Variants in LMNB1 observed in about 807,000 individuals in gnomAD.
LMNB1 encodes lamin B1.
In LMNB1, 23 loss-of-function variants were observed where a neutral mutation model predicts 67.1. The ratio of observed to expected loss-of-function variants is 0.34; its 90% CI spans 0.25 to 0.49. The LOEUF (loss-of-function observed/expected upper bound fraction) is 0.49. Ranked by LOEUF, LMNB1 falls within the 20% of genes least tolerant of loss-of-function variation. The pLI, the probability that LMNB1 is intolerant of heterozygous loss-of-function variation, is 0.99. For missense variants in LMNB1, 634 were observed against 746.5 expected, an observed-to-expected ratio of 0.85 and a Z score of 1.76; for synonymous variants, 281 against 282.9, an observed-to-expected ratio of 0.99 and a Z score of 0.07.
intron 3 of LMNB1, among the ~76,000 whole-genome samples, chr5:126,806,510 A>G (rs1751433219): frequency 6.6e-6 from 1 of 152,178 alleles, no homozygotes; most frequent in Non-Finnish European, 1.5e-5. Context: ...GCTCTTTCAC[A>G]GGGCTGTGGG....
Position 126,810,277 on chromosome 5 carries a change from A to G in LMNB1, c.740A>G (p.His247Arg), listed in dbSNP as rs762904006. Residue 247 changes from histidine (H) to arginine (R), a missense_variant, in exon 4 of 11, where the codon CAT becomes CGT. Physicochemically the swap from His to Arg is conservative, Grantham distance 29. Transcript: ENST00000261366. ...EYEYKLAQAL[H>R]EMREQHDAQV... Reference sequence around the variant, plus strand: ...GAGTACAAGCTGGCGCAAGCCCTTCATGAGATGAGAGAGCAACATGATGCC... The same window carrying G: ...GAGTACAAGCTGGCGCAAGCCCTTCGTGAGATGAGAGAGCAACATGATGCC... 3 of 1,614,026 alleles carry G rather than the reference A, an allele frequency of 1.9e-6. No homozygotes were observed. Among genetic ancestry groups the G allele is most frequent in the East Asian group, 2.2e-5 (1 of 44,884 alleles).
chr5:126,816,381 A>G (rs149891378), intron 5 of LMNB1, among the ~76,000 whole-genome samples: 2 of 152,240 alleles, frequency 1.3e-5, no homozygotes, highest in East Asian at 3.9e-4. Flanking sequence ...GCCCCCAAAT[A>G]GGTTTACAGT....
intron 9 of LMNB1, 65 bp from the exon 10 acceptor site, chr5:126,832,629 G>C: frequency 8.9e-7 from 1 of 1,119,734 alleles, no homozygotes; most frequent in South Asian, 1.3e-5. Context: ...CAAAGAAAAG[G>C]TCCCTCTCCC....
At chr5:126,820,248 A>G (rs1301646283) in intron 6 of LMNB1, among the ~76,000 whole-genome samples, 1 of 152,238 alleles carries the variant, frequency 6.6e-6, no homozygotes, top group African/African-American at 2.4e-5. Context: ...ATAAGAAAGT[A>G]CAGGTACGAA....
At chr5:126,816,350 T>C (rs1751704030) in intron 5 of LMNB1, among the ~76,000 whole-genome samples, 1 of 152,182 alleles carries the variant, frequency 6.6e-6, no homozygotes, top group African/African-American at 2.4e-5. Flanking sequence ...TGTGTGTGCG[T>C]GTGAACCAGG....
chr5:126,816,044 A>G (rs140476257), intron 5 of LMNB1, among the ~76,000 whole-genome samples: 2 of 152,008 alleles, frequency 1.3e-5, no homozygotes, highest in Admixed American at 6.6e-5. Flanking sequence ...CCATTCAAAT[A>G]TATCTTCTAC....
At chr5:126,832,649 G>T (rs371540343) in intron 9 of LMNB1, 45 bp from the exon 10 acceptor site, 55 of 1,385,440 alleles carry the variant, frequency 4.0e-5, no homozygotes, top group Non-Finnish European at 4.9e-5. Flanking sequence ...CCCGCATTTG[G>T]TGATTTTAAG....
rs566225403 is a variant in LMNB1, at chr5:126,807,046, G to A, written c.642+1350G>A. On this transcript the variant is annotated intron_variant, in intron 3 of 10. Transcript: ENST00000261366. ...CCCGCCTCAGCCTCCCAAAGTGCTG[G>A]GATTACAGGCGTGAGCCACCGTGCC... Among the ~76,000 whole-genome samples the A allele has an allele frequency of 2.0e-5, 3 of 152,226 alleles. 1 individual carries two copies. The highest frequency in any genetic ancestry group is 4.2e-4 in the South Asian group (2 of 4,812).
At chr5:126,811,650 T>C in intron 4 of LMNB1, 123 bp from the exon 5 acceptor site, 1 of 792,330 alleles carries the variant, frequency 1.3e-6, no homozygotes, top group Admixed American at 2.7e-5. Flanking sequence ...TCATGATGCT[T>C]TTCCTGTGTT....
rs764663404 is a variant in LMNB1 at position 126,813,371 on chromosome 5, G to A, written c.939+1473G>A. Among the ~76,000 whole-genome samples, 16 of 152,272 alleles carry A rather than the reference G, an allele frequency of 1.1e-4. No individual in the cohort carries two copies. In the East Asian group the frequency reaches 1.2e-3, roughly 11 times the overall value. ...TCTAGGTGAGTTTAATGATTTGCCC[G>A]TTGCCCAGAGGCTGCAGACTGATAA... On this transcript the variant is annotated intron_variant, in intron 5 of 10. Coordinates refer to ENST00000261366, the MANE Select transcript of LMNB1 (RefSeq NM_005573.4).
At chr5:126,792,058 C>G (rs1750972228) in intron 1 of LMNB1, among the ~76,000 whole-genome samples, 1 of 151,666 alleles carries the variant, frequency 6.6e-6, no homozygotes. Context: ...GCTGGGTTTA[C>G]AGGTGTGAGC....
chr5:126,785,894 A>G (rs1403923277), intron 1 of LMNB1, among the ~76,000 whole-genome samples: 2 of 151,648 alleles, frequency 1.3e-5, no homozygotes, highest in Admixed American at 1.3e-4. Flanking sequence ...GGCACCTGTA[A>G]TTCTAGCTAC....
At chr5:126,780,189 TA>T (rs924491700) in intron 1 of LMNB1, among the ~76,000 whole-genome samples, 24 of 148,454 alleles carry the variant, frequency 1.6e-4, no homozygotes, top group African/African-American at 2.5e-4. Context: ...AGACTCCGTC[TA>T]AAAAAAAAAA....
intron 7 of LMNB1, among the ~76,000 whole-genome samples, chr5:126,822,013 C>CT (rs34781275): frequency 0.41 from 58,394 of 141,366 alleles, 11,973 homozygotes; most frequent in South Asian, 0.44. Context: ...TCTTTGTAGC[C>CT]TTTTTTTTTT....
intron 9 of LMNB1, among the ~76,000 whole-genome samples, chr5:126,831,959 C>A (rs1010681134): frequency 3.9e-5 from 6 of 152,120 alleles, no homozygotes; most frequent in African/African-American, 1.4e-4. Context: ...CCCCCCGCCC[C>A]ACCCCTTTAA....
chr5:126,784,694 C>T (rs1197969531), intron 1 of LMNB1, among the ~76,000 whole-genome samples: 7 of 141,532 alleles, frequency 4.9e-5, no homozygotes, highest in African/African-American at 7.8e-5. Context: ...TTTGCTCTGT[C>T]GCCCAGGCTG....
At chr5:126,792,483 A>G (rs1205471858) in intron 1 of LMNB1, among the ~76,000 whole-genome samples, 1 of 151,018 alleles carries the variant, frequency 6.6e-6, no homozygotes, top group Non-Finnish European at 1.5e-5. Flanking sequence ...ATTGTCCTTC[A>G]TAGTCCCTCT....
At position 126,786,580 on chromosome 5, in the gene LMNB1, C is replaced by T. The variant is rs115305557; in HGVS notation, c.359+8713C>T. Among the ~76,000 whole-genome samples the T allele has an allele frequency of 4.7e-3, 709 of 152,248 alleles. 7 individuals carry two copies. The highest frequency in any genetic ancestry group is 0.016 in the African/African-American group (681 of 41,546). On this transcript the variant is annotated intron_variant, in intron 1 of 10. Transcript: ENST00000261366. Reference sequence around the variant, plus strand: ...TGTGATAGGGTGTTCACATACATAACCTTATTTCATCCATACAACAGTGTT... The same window carrying T: ...TGTGATAGGGTGTTCACATACATAATCTTATTTCATCCATACAACAGTGTT...
intron 10 of LMNB1, among the ~76,000 whole-genome samples, chr5:126,835,012 A>G (rs1752218792): frequency 6.6e-6 from 1 of 152,236 alleles, no homozygotes; most frequent in African/African-American, 2.4e-5. Flanking sequence ...GCTTCTGTAC[A>G]ATTTGGAACA....
Sources: gnomAD v4.1 joint callset for allele counts (sites outside exome capture counted in the v4.1 genomes callset) on GRCh38, gnomAD v4.1.1 for gene constraint, MANE v1.5 for transcripts, NCBI Gene and HGNC (gene_info 2026-07-23, HGNC 2026-07-21) for gene names.